MERTK: variants seen among roughly 807,000 people sequenced by gnomAD.
The protein encoded by MERTK is tyrosine-protein kinase Mer.
Under a neutral mutation model 99.3 loss-of-function variants are expected in MERTK, and 69 were observed. That is an observed-to-expected ratio of 0.70 (90% CI 0.57 to 0.85). The LOEUF (loss-of-function observed/expected upper bound fraction) is 0.85, where lower values mean the gene tolerates loss of function less well. Among genes scored for constraint, MERTK ranks in the 40% least tolerant of loss-of-function variants. The pLI, the probability that MERTK is intolerant of heterozygous loss-of-function variation, is 0.00. For synonymous variants in MERTK, 426 were observed against 467.6 expected (o/e 0.91, Z 1.15); for missense variants, 1,125 against 1,249.4 (o/e 0.90, Z 1.50).
At chr2:112,009,916 CTT>C in intron 14 of MERTK, 30 bp from the exon 15 acceptor site, 1 of 1,513,812 alleles carries the variant, frequency 6.6e-7, no homozygotes, top group Middle Eastern at 1.7e-4. Flanking sequence ...AACAAGGACT[CTT>C]TGTAATTGAT....
At chr2:111,961,756 T>A (rs1290840243) in intron 4 of MERTK, among the ~76,000 whole-genome samples, 1 of 152,220 alleles carries the variant, frequency 6.6e-6, no homozygotes, top group African/African-American at 2.4e-5. Flanking sequence ...TTCTTTTTTA[T>A]GCACATTTAA....
intron 1 of MERTK, among the ~76,000 whole-genome samples, chr2:111,918,482 G>C (rs528512346): frequency 6.6e-6 from 1 of 152,262 alleles, no homozygotes; most frequent in Admixed American, 6.5e-5. Flanking sequence ...ATCAACCCCA[G>C]ACCCCCAGAG....
chr2:112,011,697 G>C (rs935234499), intron 15 of MERTK, among the ~76,000 whole-genome samples: 3 of 152,162 alleles, frequency 2.0e-5, no homozygotes. Context: ...GTTGCAGTGA[G>C]CCAAGATCAC....
rs775443181 is a variant in MERTK at position 112,010,047 on chromosome 2, G to A, written c.2060G>A (p.Arg687Gln). 55 of 1,611,010 alleles carry A rather than the reference G, an allele frequency of 3.4e-5. No homozygotes were observed. The highest frequency in any genetic ancestry group is 2.0e-4 in the East Asian group (9 of 44,876). ...CTGCATACTTACTTACTTTATTCCC[G>A]ATTGGAGACAGGACCAAAGGTAATG... ...GDLHTYLLYS[R>Q]LETGPKHIPL... The change falls in exon 15 of 19, where the codon CGA becomes CAA. Residue 687 changes from arginine to glutamine, a missense_variant. Physicochemically the swap from Arg to Gln is conservative, Grantham distance 43. Transcript: ENST00000295408.
At position 111,919,338 on chromosome 2, in the gene MERTK, T is replaced by G. The variant is rs144863104; in HGVS notation, c.62-9782T>G. Reference sequence around the variant, plus strand: ...TAGGGGTCTGACCCTGGCTGCACATTAGAATCATAAGAGGAGATTTTTTTT... The same window carrying G: ...TAGGGGTCTGACCCTGGCTGCACATGAGAATCATAAGAGGAGATTTTTTTT... On this transcript the variant is annotated intron_variant, in intron 1 of 18. Coordinates refer to ENST00000295408, the MANE Select transcript of MERTK (RefSeq NM_006343.3). 7.9e-4 allele frequency among the ~76,000 whole-genome samples: 118 copies of G among 149,964 alleles called. 1 individual carries two copies. Among genetic ancestry groups the G allele is most frequent in the Admixed American group, 1.1e-3 (17 of 14,850 alleles).
chr2:111,991,942 T>C (rs1011061410), intron 8 of MERTK, among the ~76,000 whole-genome samples: 3 of 152,192 alleles, frequency 2.0e-5, no homozygotes, highest in Non-Finnish European at 2.9e-5. Flanking sequence ...TTCGCTATAA[T>C]GTTTGGGCAC....
chr2:112,008,712 C>T (rs968629129), intron 14 of MERTK: 6 of 595,824 alleles, frequency 1.0e-5, no homozygotes, highest in Non-Finnish European at 1.8e-5. Flanking sequence ...GAGTTTTCCA[C>T]AGAATTCTAG....
intron 1 of MERTK, among the ~76,000 whole-genome samples, chr2:111,926,995 A>G (rs1321090390): frequency 6.6e-6 from 1 of 152,226 alleles, no homozygotes; most frequent in Non-Finnish European, 1.5e-5. Flanking sequence ...GAACACTCCC[A>G]TGATGGCACA....
At chr2:111,910,610 G>GTGTGTGTGTGTGTGTGTGTGTGTGTGTA (rs370882764) in intron 1 of MERTK, among the ~76,000 whole-genome samples, 1 of 143,588 alleles carries the variant, frequency 7.0e-6, no homozygotes, top group African/African-American at 2.6e-5. Context: ...GTGTGTGTGT[G>GTGTGTGTGTGTGTGTGTGTGTGTGTGTA]TATATATATA....
At chr2:111,975,511 ACATGTGATT>A in intron 7 of MERTK, 39 bp downstream of exon 7, 6 of 1,601,142 alleles carry the variant, frequency 3.7e-6, no homozygotes, top group Non-Finnish European at 5.1e-6. Flanking sequence ...GCCCCCAATG[ACATGTGATT>A]CAACAAACCC....
chr2:111,898,779 C>T lies in MERTK; in HGVS notation c.44C>T (p.Pro15Leu), dbSNP rs1573554231. ...PLPLLLGLFL[P>L]ALWRRAITEA... is the part of the protein sequence containing the mutation. ...CCGCTGCTGCTGGGCCTCTTCCTCC[C>T]CGCGCTCTGGCGTAGAGGTGAGTGC... Residue 15 changes from proline to leucine, a missense_variant, in exon 1 of 19, where the codon CCC (proline) becomes CTC (leucine). By Grantham distance (98) the Pro-to-Leu change is moderately conservative. Coordinates refer to ENST00000295408, the MANE Select transcript of MERTK (RefSeq NM_006343.3). The T allele has an allele frequency of 6.3e-7, 1 of 1,599,438 alleles. No individual in the cohort carries two copies. The highest frequency in any genetic ancestry group is 2.3e-5 in the East Asian group (1 of 44,304).
chr2:111,914,272 T>A (rs1440437956), intron 1 of MERTK, among the ~76,000 whole-genome samples: 2 of 151,510 alleles, frequency 1.3e-5, no homozygotes, highest in Non-Finnish European at 2.9e-5. Context: ...CCCGGCTAAT[T>A]TTTGTATTTT....
intron 5 of MERTK, among the ~76,000 whole-genome samples, 158 bp downstream of exon 5, chr2:111,965,435 G>A (rs763217091): frequency 6.6e-6 from 1 of 152,190 alleles, no homozygotes; most frequent in Admixed American, 6.5e-5. Flanking sequence ...TGGTGTCAGG[G>A]TTCCCCTCTG....
At chr2:111,963,784 T>C in intron 4 of MERTK, among the ~76,000 whole-genome samples, 1 of 152,056 alleles carries the variant, frequency 6.6e-6, no homozygotes, top group East Asian at 2.0e-4. Flanking sequence ...ACAGTAACAA[T>C]CTGATCTCTC....
intron 1 of MERTK, among the ~76,000 whole-genome samples, chr2:111,902,042 C>T (rs969009082): frequency 6.6e-6 from 1 of 151,746 alleles, no homozygotes; most frequent in Non-Finnish European, 1.5e-5. Context: ...TGCACCACCA[C>T]GCCTGGCTAA....
At chr2:112,002,000 C>A (rs1300262308) in intron 11 of MERTK, among the ~76,000 whole-genome samples, 1 of 151,812 alleles carries the variant, frequency 6.6e-6, no homozygotes, top group Non-Finnish European at 1.5e-5. Context: ...GTCATTTAGA[C>A]CACTTTCTTT....
At chr2:111,963,515 C>A (rs995554639) in intron 4 of MERTK, among the ~76,000 whole-genome samples, 3 of 152,292 alleles carry the variant, frequency 2.0e-5, no homozygotes, top group South Asian at 2.1e-4. Flanking sequence ...TGCGGCCTTC[C>A]GCAGTGTTTG....
At chr2:112,019,908 C>G (rs1573646580) in intron 16 of MERTK, among the ~76,000 whole-genome samples, 1 of 152,228 alleles carries the variant, frequency 6.6e-6, no homozygotes, top group African/African-American at 2.4e-5. Context: ...TTTCACAACA[C>G]TTCCTTAGGA....
chr2:111,965,259 G>A lies in MERTK; in HGVS notation c.826G>A (p.Val276Met). 1 of 1,614,200 alleles carries A rather than the reference G, an allele frequency of 6.2e-7. No individual in the cohort carries two copies. The highest frequency in any genetic ancestry group is 8.5e-7 in the Non-Finnish European group (1 of 1,180,020). The change falls in exon 5 of 19, where the codon GTG (valine) becomes ATG (methionine). Residue 276 changes from valine (V) to methionine (M), a missense_variant. Val to Met is a conservative substitution (Grantham distance 21). Transcript: ENST00000295408. ...NDKGLTVSKG[V>M]QINIKAIPSP... Reference sequence around the variant, plus strand: ...CAAAGGGCTGACCGTGTCCAAGGGAGTGCAGATCAACATCAAAGGTAAGCA... The same window carrying A: ...CAAAGGGCTGACCGTGTCCAAGGGAATGCAGATCAACATCAAAGGTAAGCA...
Sources: gnomAD v4.1 joint callset for allele counts (sites outside exome capture counted in the v4.1 genomes callset) on GRCh38, gnomAD v4.1.1 for gene constraint, MANE v1.5 for transcripts, NCBI Gene and HGNC (gene_info 2026-07-23, HGNC 2026-07-21) for gene names.